MROH2A: variants seen among roughly 807,000 people sequenced by gnomAD.
MROH2A encodes maestro heat like repeat family member 2A, also known as maestro heat-like repeat-containing protein family member 2A.
MROH2A carries 174 observed loss-of-function variants against 200.4 expected under a neutral mutation model. The ratio of observed to expected loss-of-function variants is 0.87; its 90% CI spans 0.77 to 0.98. The LOEUF (loss-of-function observed/expected upper bound fraction) is 0.98, where lower values mean the gene tolerates loss of function less well. Among genes scored for constraint, MROH2A ranks in the 50% least tolerant of loss-of-function variants. MROH2A has a pLI of 0.00. For missense variants in MROH2A, 2,045 were observed against 2,139.6 expected, an observed-to-expected ratio of 0.96 and a Z score of 0.87; for synonymous variants, 829 against 840.4, an observed-to-expected ratio of 0.99 and a Z score of 0.23.
At chr2:233,796,506 C>T (rs1206974448) in intron 11 of MROH2A, among the ~76,000 whole-genome samples, 193 bp downstream of exon 11, 2 of 152,106 alleles carry the variant, frequency 1.3e-5, no homozygotes, top group African/African-American at 4.8e-5. Context: ...GCTTACCCTC[C>T]CCACACCCAA....
intron 39 of MROH2A, 109 bp downstream of exon 39, chr2:233,831,649 C>A: frequency 8.3e-7 from 1 of 1,211,304 alleles, no homozygotes; most frequent in Non-Finnish European, 1.1e-6. Context: ...TGTTTACCTT[C>A]CACACATGCC....
chr2:233,818,200 G>A, intron 28 of MROH2A, 75 bp downstream of exon 28: 3 of 1,516,868 alleles, frequency 2.0e-6, no homozygotes, highest in Non-Finnish European at 2.7e-6. Context: ...ATGGGCTGCG[G>A]CCTGCCCTGG....
In MROH2A at chr2:233,822,170, G is replaced by A. The variant is rs553969524; in HGVS notation, c.3559G>A (p.Ala1187Thr). The change falls in exon 32 of 42, where the codon GCC becomes ACC. Residue 1187 changes from alanine to threonine, a missense_variant. Transcript: ENST00000389758. ...WLAVSENVPF[A>T]RTMLHSLMGR... Reference sequence around the variant, plus strand: ...GGCAGTGTCGGAGAACGTGCCCTTCGCCCGGACCATGCTCCACAGCCTGAT... The same window carrying A: ...GGCAGTGTCGGAGAACGTGCCCTTCACCCGGACCATGCTCCACAGCCTGAT... The A allele has an allele frequency of 5.0e-5, 78 of 1,549,782 alleles. No homozygotes were observed. In the East Asian group the frequency reaches 1.6e-3, roughly 31 times the overall value.
rs944189484 is a variant in MROH2A, at chr2:233,804,872, A to T, written c.1945-132A>T. 2.5e-5 allele frequency: 15 copies of T among 608,560 alleles called. No homozygotes were observed. The Admixed American group carries it at 2.9e-4, about 12-fold the overall frequency. The allele number at this position is 608,560 out of a possible 1,614,324, so 37.7% of individuals were successfully genotyped here. A position where few individuals can be genotyped will look rare whatever the true frequency, so the allele number is the denominator to read the frequency against. On this transcript the variant is annotated intron_variant, in intron 18 of 41. Coordinates refer to ENST00000389758, the MANE Select transcript of MROH2A (RefSeq NM_001394639.1). ...GGATCAGGGATCTATGGACTTAGTG[A>T]TCTGGAGATGTGGGCAAGGGAAGCG...
intron 3 of MROH2A, among the ~76,000 whole-genome samples, chr2:233,787,578 C>T (rs1245357762): frequency 6.5e-5 from 3 of 46,166 alleles, no homozygotes; most frequent in South Asian, 9.7e-4. Context: ...TTATATATAT[C>T]ATATATACAT....
At chr2:233,808,369 A>T (rs1044246067) in intron 21 of MROH2A, among the ~76,000 whole-genome samples, 1 of 152,206 alleles carries the variant, frequency 6.6e-6, no homozygotes, top group Non-Finnish European at 1.5e-5. Flanking sequence ...TTGGACCCAG[A>T]CAGCCCATGG....
chr2:233,814,485 T>C, intron 25 of MROH2A, 97 bp from the exon 26 acceptor site: 1 of 759,114 alleles, frequency 1.3e-6, no homozygotes, highest in Admixed American at 2.5e-5. Flanking sequence ...AGTTAGTGGA[T>C]GACTGCCAGA....
At chr2:233,812,075 G>C (rs975838203) in intron 24 of MROH2A, 116 bp downstream of exon 24, 5 of 748,228 alleles carry the variant, frequency 6.7e-6, no homozygotes, top group Admixed American at 2.2e-5. Flanking sequence ...TCTGTAGCAG[G>C]GGTCTCACTT....
chr2:233,779,747 C>A lies in MROH2A; in HGVS notation c.171C>A (p.Gly57=), dbSNP rs1274925532. 6 of 1,550,948 alleles carry A rather than the reference C, an allele frequency of 3.9e-6. No homozygotes were observed. The African/African-American group carries it at 8.2e-5, about 21-fold the overall frequency. ...CAAAGACGGACACAACAGGGGCAGG[C>A]CTTGACATGCGGAAGACCCTGGCCT... ...ESAKTDTTGA[G]LDMRKTLASV... is the part of the protein sequence containing the mutation. Residue 57 remains glycine, a synonymous_variant, in exon 3 of 42, where the codon GGC becomes GGA. Coordinates refer to ENST00000389758, the MANE Select transcript of MROH2A (RefSeq NM_001394639.1).
At chr2:233,796,770 G>A (rs1052563139) in intron 11 of MROH2A, among the ~76,000 whole-genome samples, 26 of 152,316 alleles carry the variant, frequency 1.7e-4, no homozygotes, top group African/African-American at 5.5e-4. Context: ...ATTTGAAGAA[G>A]GCCCCTGTTG....
At chr2:233,818,850 G>T in intron 29 of MROH2A, 80 bp downstream of exon 29, 1 of 895,976 alleles carries the variant, frequency 1.1e-6, no homozygotes, top group Non-Finnish European at 1.7e-6. Flanking sequence ...AGGCCTTCCT[G>T]GGCTGGCCTC....
chr2:233,779,595 G>C, intron 2 of MROH2A, 76 bp from the exon 3 acceptor site: 1 of 1,493,440 alleles, frequency 6.7e-7, no homozygotes, highest in Non-Finnish European at 9.1e-7. Context: ...GCAGGTGGAG[G>C]CAAGGCCAGG....
intron 3 of MROH2A, among the ~76,000 whole-genome samples, chr2:233,784,812 A>G (rs1401910610): frequency 6.6e-6 from 1 of 152,220 alleles, no homozygotes; most frequent in Non-Finnish European, 1.5e-5. Flanking sequence ...ATCTAGCCTC[A>G]GGTATTCCTT....
rs902184667 is a variant in MROH2A, at chr2:233,828,051, G to C, written c.4114-579G>C. On this transcript the variant is annotated intron_variant, in intron 35 of 41. Coordinates refer to ENST00000389758, the MANE Select transcript of MROH2A (RefSeq NM_001394639.1). The surrounding 1 kb of genome is among the most constrained non-coding windows in gnomAD (Gnocchi z 4.6). ...TGGAGACAAAACATTTGGAAGCTTA[G>C]AGCAACTGCGCCTAATGGGGGTTTA... Among the ~76,000 whole-genome samples the C allele has an allele frequency of 1.3e-5, 2 of 152,200 alleles. No homozygotes were observed. The highest frequency in any genetic ancestry group is 4.8e-5 in the African/African-American group (2 of 41,438).
At chr2:233,808,981 A>G (rs2126142107) in intron 21 of MROH2A, 145 bp from the exon 22 acceptor site, 4 of 831,698 alleles carry the variant, frequency 4.8e-6, no homozygotes, top group South Asian at 1.8e-5. Context: ...AAATACGATG[A>G]ACATTTCAGG....
Position 233,820,154 on chromosome 2 carries a change from G to A in MROH2A, c.3512+98G>A. On this transcript the variant is annotated intron_variant, in intron 31 of 41. Coordinates refer to ENST00000389758, the MANE Select transcript of MROH2A (RefSeq NM_001394639.1). This position sits in a 1 kb window ranked among gnomAD's most constrained non-coding sequence, Gnocchi z 4.1. ...TCCCAGAAGCCTGGAGCCTTGGGCA[G>A]TACCCTGCCCCACCCTGAAGGAGGT... 1 of 1,158,396 alleles carries A rather than the reference G, an allele frequency of 8.6e-7. No homozygotes were observed. 71.8% of individuals were successfully genotyped at this position (1,158,396 alleles called of 1,614,324 possible). A position where few individuals can be genotyped will look rare whatever the true frequency, so the allele number is the denominator to read the frequency against.
Position 233,807,643 on chromosome 2 carries a change from CAT to C in MROH2A, c.2173-89_2173-88del, listed in dbSNP as rs972247746. On this transcript the variant is annotated intron_variant, in intron 20 of 41. Transcript: ENST00000389758. The surrounding 1 kb of genome is among the most constrained non-coding windows in gnomAD (Gnocchi z 4.3). ...CATGCGTTTTGTGTGTGTGTGTGTA[CAT>C]GTGTGTGTGCCTTGCACGTGTGTGT... 145 of 1,541,878 alleles carry C rather than the reference CAT, an allele frequency of 9.4e-5. No homozygotes were observed. The highest frequency in any genetic ancestry group is 7.8e-4 in the South Asian group (65 of 82,850).
In MROH2A at chr2:233,818,741, A is replaced by T. The variant is rs772202914; in HGVS notation, c.3175A>T (p.Ile1059Phe). Residue 1059 changes from isoleucine (I) to phenylalanine (F), a missense_variant, in exon 29 of 42, where the codon ATC (isoleucine) becomes TTC (phenylalanine). Around this residue, in one of 3 missense-constraint regions of MROH2A, gnomAD observed 1,201 missense variants for 1,311.3 expected, o/e 0.92. Transcript: ENST00000389758. ...GDLQSTDVEK[I>F]FCASSRIAKV... ...CCTCCAGAGCACAGATGTGGAGAAGATCTTCTGTGCATCCTCCAGAATCGC... is the reference window on the plus strand; with the variant it reads ...CCTCCAGAGCACAGATGTGGAGAAGTTCTTCTGTGCATCCTCCAGAATCGC... 1.9e-6 allele frequency: 3 copies of T among 1,549,246 alleles called. No homozygotes were observed. Among genetic ancestry groups the T allele is most frequent in the Non-Finnish European group, 8.7e-7 (1 of 1,145,936 alleles).
intron 3 of MROH2A, among the ~76,000 whole-genome samples, chr2:233,788,059 TATATTATATATATAC>T (rs1701454469): frequency 5.0e-5 from 4 of 80,326 alleles, no homozygotes; most frequent in East Asian, 1.1e-3. Context: ...TATATATACA[TATATTATATATATAC>T]ATATATATTA....
Sources: gnomAD v4.1 joint callset for allele counts (sites outside exome capture counted in the v4.1 genomes callset) on GRCh38, gnomAD v4.1.1 for gene constraint, gnomAD v4.1.1 regional missense constraint, Gnocchi (gnomAD v3.1) non-coding constraint, MANE v1.5 for transcripts, NCBI Gene and HGNC (gene_info 2026-07-23, HGNC 2026-07-21) for gene names.